The following COL5A1 variants were observed in gnomAD, a reference collection of about 807,000 sequenced individuals.
COL5A1 encodes the protein collagen alpha-1(V) chain.
Under a neutral mutation model 263.7 loss-of-function variants are expected in COL5A1, and 16 were observed. That is an observed-to-expected ratio of 0.06 (90% CI 0.04 to 0.09). COL5A1 has a LOEUF of 0.09. COL5A1 is among the 10% of genes least tolerant of loss of function. The pLI is 1.00. For missense variants in COL5A1, 2,036 were observed against 2,540.5 expected (o/e 0.80, Z 4.27); for synonymous variants, 1,012 against 1,004.5 (o/e 1.01, Z -0.14).
intron 13 of COL5A1, 126 bp downstream of exon 13, chr9:134,751,008 C>A: frequency 1.2e-6 from 1 of 850,742 alleles, no homozygotes; most frequent in Non-Finnish European, 1.9e-6. Context: ...CCCAGAATGC[C>A]TGCTTGCTGG....
At chr9:134,695,493 G>T (rs1193581871) in intron 2 of COL5A1, among the ~76,000 whole-genome samples, 2 of 152,236 alleles carry the variant, frequency 1.3e-5, no homozygotes, top group Non-Finnish European at 2.9e-5. Context: ...CAGCTGCAGG[G>T]GCAGGCTGAC....
At chr9:134,724,814 C>G (rs1012098815) in intron 4 of COL5A1, among the ~76,000 whole-genome samples, 2 of 152,090 alleles carry the variant, frequency 1.3e-5, no homozygotes, top group Admixed American at 6.6e-5. Context: ...GGGGCCTCGG[C>G]GGGGGAGGTG....
At chr9:134,711,391 A>G (rs1834038804) in intron 4 of COL5A1, among the ~76,000 whole-genome samples, 1 of 151,998 alleles carries the variant, frequency 6.6e-6, no homozygotes, top group Non-Finnish European at 1.5e-5. Context: ...GTGAGTCTTG[A>G]TCCCAGAGCA....
chr9:134,780,684 G>A (rs1837218495), intron 28 of COL5A1, among the ~76,000 whole-genome samples: 1 of 152,236 alleles, frequency 6.6e-6, no homozygotes, highest in Non-Finnish European at 1.5e-5. Flanking sequence ...TGAAGACAAA[G>A]CTAAACTACA....
intron 1 of COL5A1, among the ~76,000 whole-genome samples, chr9:134,684,215 G>C (rs1186287557): frequency 6.6e-6 from 1 of 152,170 alleles, no homozygotes; most frequent in African/African-American, 2.4e-5. Flanking sequence ...AGGAGTGCTC[G>C]GGCACCAGTG....
intron 54 of COL5A1, 138 bp downstream of exon 54, chr9:134,817,969 C>T (rs1838829123): frequency 1.1e-6 from 1 of 880,690 alleles, no homozygotes; most frequent in Admixed American, 2.0e-5. Flanking sequence ...TGGCTCATGG[C>T]CTACCTGGGG....
At position 134,730,409 on chromosome 9, in the gene COL5A1, G is replaced by A. The variant is rs997265607; in HGVS notation, c.1098G>A (p.Gln366=). 1.9e-6 allele frequency: 3 copies of A among 1,614,090 alleles called. No individual in the cohort carries two copies. The highest frequency in any genetic ancestry group is 2.2e-5 in the South Asian group (2 of 91,090). The part of the protein sequence containing the change: ...TYGEGEENPD[Q]PTDPGAGAEI... ...GCGAGGGGGAGGAGAACCCCGACCA[G>A]CCCACAGACCCAGGCGCTGGGGCCG... Residue 366 remains glutamine (Q), a synonymous_variant, in exon 7 of 66, where the codon CAG becomes CAA. Transcript: ENST00000371817.
At chr9:134,804,393 C>T (rs964850815) in intron 39 of COL5A1, among the ~76,000 whole-genome samples, 14 of 152,118 alleles carry the variant, frequency 9.2e-5, no homozygotes, top group African/African-American at 3.1e-4. Context: ...AATGTGGTTT[C>T]GGGCTTGAAG....
chr9:134,728,848 G>T (rs374402126), intron 6 of COL5A1, 41 bp downstream of exon 6: 4 of 1,613,286 alleles, frequency 2.5e-6, no homozygotes. Context: ...TGGGCCCCTC[G>T]AGGCCATGGT....
At position 134,682,130 on chromosome 9, in the gene COL5A1, C is replaced by T. The variant is rs550404942; in HGVS notation, c.110-8782C>T. Among the ~76,000 whole-genome samples the T allele has an allele frequency of 1.3e-5, 2 of 152,316 alleles. No individual in the cohort carries two copies. The highest frequency in any genetic ancestry group is 2.4e-5 in the African/African-American group (1 of 41,580). ...TGGGACCGTGGTGCTGAGTGTTTGG[C>T]GGTGACCTCTGGAGGACGGGCCGGG... On this transcript the variant is annotated intron_variant, in intron 1 of 65. Coordinates refer to ENST00000371817, the MANE Select transcript of COL5A1 (RefSeq NM_000093.5). This position sits in a 1 kb window ranked among gnomAD's most constrained non-coding sequence, Gnocchi z 5.1.
intron 25 of COL5A1, among the ~76,000 whole-genome samples, chr9:134,768,792 G>A (rs182769487): frequency 3.9e-5 from 6 of 152,372 alleles, no homozygotes; most frequent in East Asian, 1.9e-4. Flanking sequence ...CATCGCTTGC[G>A]TCCCCAGGGT....
intron 28 of COL5A1, among the ~76,000 whole-genome samples, chr9:134,781,091 C>T (rs1050925901): frequency 1.3e-5 from 2 of 152,242 alleles, no homozygotes; most frequent in Non-Finnish European, 2.9e-5. Context: ...TCGAAGATGT[C>T]GCTTGGATCC....
At chr9:134,673,117 G>A (rs752917360) in intron 1 of COL5A1, among the ~76,000 whole-genome samples, 19 of 152,156 alleles carry the variant, frequency 1.2e-4, no homozygotes, top group African/African-American at 3.9e-4. Context: ...TCAATTCAAT[G>A]TCAATTAAAA....
intron 48 of COL5A1, among the ~76,000 whole-genome samples, chr9:134,813,305 C>G (rs553414089): frequency 4.9e-4 from 75 of 152,266 alleles, no homozygotes; most frequent in African/African-American, 1.7e-3. Flanking sequence ...GCACCTCTCC[C>G]AGTTCCCCTG....
At chr9:134,727,710 C>A (rs1311011156) in intron 5 of COL5A1, among the ~76,000 whole-genome samples, 1 of 152,196 alleles carries the variant, frequency 6.6e-6, no homozygotes, top group Non-Finnish European at 1.5e-5. Flanking sequence ...GCACAGATGC[C>A]ACAGGTGTCC....
At chr9:134,711,325 A>G (rs1045355926) in intron 4 of COL5A1, among the ~76,000 whole-genome samples, 1 of 152,042 alleles carries the variant, frequency 6.6e-6, no homozygotes, top group Non-Finnish European at 1.5e-5. Flanking sequence ...GTGCTGTCGT[A>G]TAGACCGTGC....
In COL5A1 at chr9:134,842,059, C is replaced by T; in HGVS notation, c.5371-98C>T. On this transcript the variant is annotated intron_variant, in intron 65 of 65. Coordinates refer to ENST00000371817, the MANE Select transcript of COL5A1 (RefSeq NM_000093.5). This position sits in a 1 kb window ranked among gnomAD's most constrained non-coding sequence, Gnocchi z 5.8. ...CCTGGGTAGGAGACAGGACACCAGC[C>T]TGGGTTTTGGAGCCAGACAGATTGT... 2 of 1,441,650 alleles carry T rather than the reference C, an allele frequency of 1.4e-6. No individual in the cohort carries two copies. Among genetic ancestry groups the T allele is most frequent in the Non-Finnish European group, 1.9e-6 (2 of 1,030,476 alleles). The allele number at this position is 1,441,650 out of a possible 1,614,324, so 89.3% of individuals were successfully genotyped here.
At chr9:134,783,340 C>T (rs905216199) in intron 29 of COL5A1, among the ~76,000 whole-genome samples, 1 of 152,150 alleles carries the variant, frequency 6.6e-6, no homozygotes, top group Non-Finnish European at 1.5e-5. Flanking sequence ...CCGGTGGGTG[C>T]TGGGAGGGAC....
intron 1 of COL5A1, among the ~76,000 whole-genome samples, chr9:134,660,474 G>A (rs945817197): frequency 6.6e-6 from 1 of 152,202 alleles, no homozygotes; most frequent in Non-Finnish European, 1.5e-5. Context: ...TCTAGTTTCA[G>A]GTCACCTCAG....
Sources: allele counts gnomAD v4.1 joint callset (sites outside exome capture counted in the v4.1 genomes callset), GRCh38; gene constraint gnomAD v4.1.1; non-coding constraint Gnocchi (gnomAD v3.1); transcripts MANE v1.5; gene names NCBI Gene and HGNC (gene_info 2026-07-23, HGNC 2026-07-21).